COL27A1: variants seen among roughly 807,000 people sequenced by gnomAD.
COL27A1 encodes the protein collagen type XXVII alpha 1 chain.
In COL27A1, 106 loss-of-function variants were observed where a neutral mutation model predicts 251.3. That is an observed-to-expected ratio of 0.42 (90% confidence interval 0.36 to 0.50). COL27A1 has a LOEUF of 0.50. Ranked by LOEUF, COL27A1 falls within the 20% of genes least tolerant of loss-of-function variation. COL27A1 has a pLI of 0.00. For missense variants in COL27A1, 2,325 were observed against 2,522.8 expected (o/e 0.92, Z 1.68); for synonymous variants, 1,000 against 986.3 (o/e 1.01, Z -0.26).
intron 35 of COL27A1, among the ~76,000 whole-genome samples, chr9:114,269,634 A>AAAAAAAAAAAAG (rs796293254): frequency 3.5e-5 from 4 of 114,388 alleles, no homozygotes; most frequent in African/African-American, 1.3e-4. Context: ...AAAAAAAAAA[A>AAAAAAAAAAAAG]AAGAAGAAGA....
chr9:114,309,022 A>C (rs1419362322), intron 59 of COL27A1, among the ~76,000 whole-genome samples: 1 of 152,162 alleles, frequency 6.6e-6, no homozygotes, highest in East Asian at 1.9e-4. Context: ...AGATCTTTGA[A>C]GCTCTGGCTC....
intron 58 of COL27A1, chr9:114,307,463 C>A: frequency 1.8e-6 from 1 of 570,498 alleles, no homozygotes; most frequent in Non-Finnish European, 3.1e-6. Context: ...CATGTGACCC[C>A]TCCTCTGGGG....
chr9:114,308,994 G>A (rs1829256434), intron 59 of COL27A1, among the ~76,000 whole-genome samples: 1 of 152,150 alleles, frequency 6.6e-6, no homozygotes, highest in African/African-American at 2.4e-5. Context: ...CAGTAAGGGA[G>A]TGGATCAGAT....
At chr9:114,179,832 C>CTT (rs139712391) in intron 4 of COL27A1, among the ~76,000 whole-genome samples, 7,954 of 99,866 alleles carry the variant, frequency 0.08, 973 homozygotes, top group Non-Finnish European at 0.091. Context: ...AGCCTACCAT[C>CTT]TTTTTTTTTT....
intron 59 of COL27A1, 131 bp from the exon 60 acceptor site, chr9:114,309,129 C>G (rs1829266359): frequency 2.6e-6 from 2 of 776,988 alleles, no homozygotes; most frequent in East Asian, 4.9e-5. Context: ...GGGCACATGT[C>G]TGGGAGCATA....
In COL27A1 at chr9:114,235,783, A is replaced by G. The variant is rs1314222736; in HGVS notation, c.2619+131A>G. The stretch of plus-strand genomic sequence containing the variant: ...AAGACGGCTGCCCTCGAAATAATCC[A>G]GTCTTCTCCATCCTTGATCCTCTTG... On this transcript the variant is annotated intron_variant, in intron 17 of 60. Transcript: ENST00000356083. 4 of 730,148 alleles carry G rather than the reference A, an allele frequency of 5.5e-6. No homozygotes were observed. The Admixed American group carries it at 5.8e-5, about 11-fold the overall frequency. 45.2% of individuals were successfully genotyped at this position (730,148 alleles called of 1,614,324 possible).
At chr9:114,239,016 C>G (rs1159463611) in intron 19 of COL27A1, among the ~76,000 whole-genome samples, 1 of 152,242 alleles carries the variant, frequency 6.6e-6, no homozygotes, top group Non-Finnish European at 1.5e-5. Flanking sequence ...CCATCAGCCT[C>G]TCCCGTCTTT....
Position 114,282,343 on chromosome 9 carries a change from T to C in COL27A1, c.3771+13T>C, listed in dbSNP as rs1409973634. On this transcript the variant is annotated intron_variant, in intron 38 of 60. Coordinates refer to ENST00000356083, the MANE Select transcript of COL27A1 (RefSeq NM_032888.4). Reference sequence around the variant, plus strand: ...CACTGGAGCCAAGGTAGGTGTCCCCTTCTGACTTGATAGGCCTGCGTCCCT... The same window carrying C: ...CACTGGAGCCAAGGTAGGTGTCCCCCTCTGACTTGATAGGCCTGCGTCCCT... The C allele has an allele frequency of 1.4e-5, 23 of 1,613,858 alleles. No homozygotes were observed. Among genetic ancestry groups the C allele is most frequent in the Non-Finnish European group, 1.9e-5 (22 of 1,179,988 alleles).
At chr9:114,224,560 T>C (rs1564490279) in intron 14 of COL27A1, among the ~76,000 whole-genome samples, 1 of 152,040 alleles carries the variant, frequency 6.6e-6, no homozygotes, top group African/African-American at 2.4e-5. Flanking sequence ...GTTCACTAGG[T>C]TGGGTCCTGA....
chr9:114,190,889 A>G (rs989996036), intron 5 of COL27A1, among the ~76,000 whole-genome samples: 3 of 152,230 alleles, frequency 2.0e-5, no homozygotes, highest in African/African-American at 4.8e-5. Context: ...TCTTGTTTCT[A>G]TGAAGGTGTA....
chr9:114,266,993 G>A (rs551415533), intron 33 of COL27A1, among the ~76,000 whole-genome samples: 2 of 152,278 alleles, frequency 1.3e-5, no homozygotes, highest in African/African-American at 4.8e-5. Flanking sequence ...CATGCAGCAA[G>A]GAACTTGGAA....
At chr9:114,307,874 C>G in intron 59 of COL27A1, 96 bp downstream of exon 59, 1 of 805,322 alleles carries the variant, frequency 1.2e-6, no homozygotes, top group Non-Finnish European at 2.0e-6. Flanking sequence ...CTGAGCTGTG[C>G]CTGTCTTACT....
chr9:114,301,549 G>A (rs1490311412), intron 54 of COL27A1, 87 bp downstream of exon 54: 7 of 1,550,328 alleles, frequency 4.5e-6, no homozygotes, highest in South Asian at 2.4e-5. Context: ...CTCTCCCTCC[G>A]GACCTCCGTC....
At chr9:114,250,075 G>A (rs1174367591) in intron 24 of COL27A1, among the ~76,000 whole-genome samples, 2 of 152,234 alleles carry the variant, frequency 1.3e-5, no homozygotes, top group Admixed American at 6.5e-5. Flanking sequence ...CAGAGCAGCA[G>A]GAGCTGCAGC....
intron 37 of COL27A1, among the ~76,000 whole-genome samples, chr9:114,276,485 GTC>G (rs1370548181): frequency 6.6e-6 from 1 of 152,198 alleles, no homozygotes; most frequent in Non-Finnish European, 1.5e-5. Flanking sequence ...CATGCCTATA[GTC>G]TCAGTTACTC....
chr9:114,273,142 C>A (rs1835262185), intron 36 of COL27A1: 1 of 152,150 alleles, frequency 6.6e-6, no homozygotes, highest in Admixed American at 6.5e-5. Flanking sequence ...CAGGTGAGGG[C>A]CCTTTGTTGA....
Position 114,167,726 on chromosome 9 carries a change from G to A in COL27A1, c.171G>A (p.Thr57=), listed in dbSNP as rs775896019. The change falls in exon 3 of 61, where the codon ACG becomes ACA. Residue 57 remains threonine (T), a synonymous_variant. Transcript: ENST00000356083. The stretch of plus-strand genomic sequence containing the variant: ...TCCAGCGGCTGGGCCTCAGCTGGAC[G>A]AAGGCCGGGAGCCCTGCACCCCCGG... The part of the protein sequence containing the change: ...DILQRLGLSW[T]KAGSPAPPGV... The A allele has an allele frequency of 1.8e-5, 29 of 1,613,508 alleles. No individual in the cohort carries two copies. In the South Asian group the frequency reaches 2.0e-4, roughly 11 times the overall value.
chr9:114,255,220 G>T (rs1833839982), intron 27 of COL27A1, among the ~76,000 whole-genome samples: 1 of 152,174 alleles, frequency 6.6e-6, no homozygotes, highest in Non-Finnish European at 1.5e-5. Flanking sequence ...AGAAGCAGGG[G>T]GTCAGAGGAC....
chr9:114,302,589 G>A (rs960362260), intron 56 of COL27A1, among the ~76,000 whole-genome samples: 2 of 151,984 alleles, frequency 1.3e-5, no homozygotes, highest in African/African-American at 2.4e-5. Flanking sequence ...AGTTGGGTGT[G>A]GTGGGTGGCA....
Sources: gnomAD v4.1 joint callset for allele counts (sites outside exome capture counted in the v4.1 genomes callset) on GRCh38, gnomAD v4.1.1 for gene constraint, MANE v1.5 for transcripts, NCBI Gene and HGNC (gene_info 2026-07-23, HGNC 2026-07-21) for gene names.